Variants in PDE4D observed in about 807,000 individuals in gnomAD.
PDE4D encodes the protein 3',5'-cyclic-AMP phosphodiesterase 4D.
In PDE4D, 24 loss-of-function variants were observed where a neutral mutation model predicts 87.4. That is an observed-to-expected ratio of 0.27 (90% confidence interval 0.20 to 0.39). The LOEUF (loss-of-function observed/expected upper bound fraction) is 0.39, where lower values mean the gene tolerates loss of function less well. Ranked by LOEUF, PDE4D falls within the 10% of genes least tolerant of loss-of-function variation. PDE4D has a pLI of 1.00. For synonymous variants in PDE4D, 384 were observed against 383.2 expected (o/e 1.00, Z -0.02); for missense variants, 714 against 1,041.0 (o/e 0.69, Z 4.32).
chr5:59,583,438 T>C (rs1042315294), intron 1 of PDE4D, among the ~76,000 whole-genome samples: 3 of 152,238 alleles, frequency 2.0e-5, no homozygotes, highest in African/African-American at 7.2e-5. Context: ...AGAAGAGCTA[T>C]ATAGTACTTA....
intron 5 of PDE4D, among the ~76,000 whole-genome samples, chr5:59,129,473 T>C (rs1775961490): frequency 1.3e-5 from 2 of 152,276 alleles, no homozygotes; most frequent in South Asian, 4.1e-4. Context: ...GTTCCAAATG[T>C]ATGAGCTCCC....
intron 3 of PDE4D, among the ~76,000 whole-genome samples, chr5:59,937,055 T>C (rs941733867): frequency 4.6e-5 from 7 of 152,142 alleles, no homozygotes; most frequent in African/African-American, 1.4e-4. Flanking sequence ...GGCAGATGAA[T>C]TGTCATGCAT....
intron 1 of PDE4D, among the ~76,000 whole-genome samples, chr5:59,350,507 T>C (rs1043544261): frequency 6.6e-6 from 1 of 152,152 alleles, no homozygotes; most frequent in Non-Finnish European, 1.5e-5. Flanking sequence ...CCCATGAATG[T>C]GGCAAAAGGA....
chr5:59,748,756 A>T (rs987353871), intron 1 of PDE4D, among the ~76,000 whole-genome samples: 4 of 152,154 alleles, frequency 2.6e-5, no homozygotes, highest in African/African-American at 9.7e-5. Context: ...ATACATATGT[A>T]ACAAACCTGC....
At chr5:59,670,010 TA>T (rs1335724099) in intron 1 of PDE4D, among the ~76,000 whole-genome samples, 1 of 152,146 alleles carries the variant, frequency 6.6e-6, no homozygotes, top group Non-Finnish European at 1.5e-5. Context: ...TATGCAAAAT[TA>T]ATTAATGCTC....
At chr5:59,822,315 G>C (rs1238009991) in intron 1 of PDE4D, among the ~76,000 whole-genome samples, 1 of 152,088 alleles carries the variant, frequency 6.6e-6, no homozygotes, top group African/African-American at 2.4e-5. Context: ...TATGATCTTG[G>C]ATGAGTAGAA....
In PDE4D at chr5:60,282,208, C is replaced by CATATATAT. The variant is rs140298004; in HGVS notation, c.-89-96529_-89-96522dup. On this transcript the variant is annotated intron_variant, in intron 1 of 16. Transcript: ENST00000502484. ...CTTTAAAGAACAAGAGAGAAATAAA[C>CATATATAT]ATATATATATATATATATATATATA... Among the ~76,000 whole-genome samples, 1,142 of 128,298 alleles carry CATATATAT rather than the reference C, an allele frequency of 8.9e-3. 10 individuals are homozygous for CATATATAT. The highest frequency in any genetic ancestry group is 0.019 in the East Asian group (78 of 4,148). The allele number at this position is 128,298 out of a possible 152,430, so 84.2% of individuals were successfully genotyped here.
At chr5:59,893,851 G>A, upstream of PDE4D, 1 of 1,303,904 alleles carries the variant, frequency 7.7e-7, no homozygotes, top group East Asian at 3.2e-5. Flanking sequence ...CCGAGGCTAT[G>A]GCAGAGACAC....
chr5:60,251,000 T>C (rs1354307376), intron 1 of PDE4D, among the ~76,000 whole-genome samples: 1 of 151,930 alleles, frequency 6.6e-6, no homozygotes, highest in Non-Finnish European at 1.5e-5. Context: ...TGTATTTGTA[T>C]CTTAGTTGTT....
chr5:60,131,799 A>G (rs1779606232), intron 2 of PDE4D, among the ~76,000 whole-genome samples: 1 of 152,250 alleles, frequency 6.6e-6, no homozygotes, highest in African/African-American at 2.4e-5. Context: ...AAACTAGTGC[A>G]CATGCTCTTG....
At chr5:59,942,655 T>G (rs1757306348) in intron 3 of PDE4D, among the ~76,000 whole-genome samples, 1 of 152,094 alleles carries the variant, frequency 6.6e-6, no homozygotes, top group Non-Finnish European at 1.5e-5. Context: ...TTCATTACAT[T>G]TAGAACTATC....
chr5:59,275,714 A>G, intron 1 of PDE4D: 1 of 1,068,288 alleles, frequency 9.4e-7, no homozygotes, highest in Non-Finnish European at 1.1e-6. Context: ...CTGGGTCACA[A>G]GGGAAACCAG....
chr5:60,311,210 CG>C (rs1755006510), intron 1 of PDE4D, among the ~76,000 whole-genome samples: 1 of 152,054 alleles, frequency 6.6e-6, no homozygotes, highest in African/African-American at 2.4e-5. Flanking sequence ...TTCGTAGAGA[CG>C]GGGTTTCTCC....
At chr5:60,056,110 A>C (rs190171496) in intron 2 of PDE4D, among the ~76,000 whole-genome samples, 200 of 152,202 alleles carry the variant, frequency 1.3e-3, no homozygotes, top group African/African-American at 4.6e-3. Context: ...AAAATCTCAT[A>C]AAAGAAAATA....
chr5:60,418,939 A>T (rs547190686), intron 1 of PDE4D, among the ~76,000 whole-genome samples: 1 of 152,294 alleles, frequency 6.6e-6, no homozygotes, highest in South Asian at 2.1e-4. Flanking sequence ...TAAGATAAAC[A>T]TAAGAATAAA....
intron 1 of PDE4D, among the ~76,000 whole-genome samples, chr5:59,415,656 G>A (rs1263663741): frequency 1.3e-5 from 2 of 152,042 alleles, no homozygotes; most frequent in Admixed American, 6.6e-5. Context: ...TATAATTGAG[G>A]ACAATTGGGC....
intron 1 of PDE4D, among the ~76,000 whole-genome samples, chr5:59,435,611 G>A (rs1286088461): frequency 1.3e-5 from 2 of 152,112 alleles, no homozygotes; most frequent in Non-Finnish European, 2.9e-5. Context: ...TTTCATAGCT[G>A]TTCATGCATT....
At chr5:59,087,332 A>T (rs935943961) in intron 5 of PDE4D, among the ~76,000 whole-genome samples, 4 of 152,076 alleles carry the variant, frequency 2.6e-5, no homozygotes, top group African/African-American at 9.7e-5. Context: ...AAAAATTTTT[A>T]AAAATTAGCC....
At chr5:59,333,175 A>G (rs892570909) in intron 1 of PDE4D, among the ~76,000 whole-genome samples, 8 of 152,176 alleles carry the variant, frequency 5.3e-5, no homozygotes, top group Non-Finnish European at 1.0e-4. Context: ...CAAATCCGCG[A>G]ATCCAGTTCT....
Sources: gnomAD v4.1 joint callset for allele counts (sites outside exome capture counted in the v4.1 genomes callset) on GRCh38, gnomAD v4.1.1 for gene constraint, MANE v1.5 for transcripts, NCBI Gene and HGNC (gene_info 2026-07-23, HGNC 2026-07-21) for gene names.